ANKS1B: variants seen among roughly 807,000 people sequenced by gnomAD.
ANKS1B encodes ankyrin repeat and sterile alpha motif domain containing 1B.
ANKS1B carries 36 observed loss-of-function variants against 148.3 expected under a neutral mutation model. That is an observed-to-expected ratio of 0.24 (90% CI 0.19 to 0.32). The LOEUF (loss-of-function observed/expected upper bound fraction) is 0.32. Ranked by LOEUF, ANKS1B falls within the 10% of genes least tolerant of loss-of-function variation. The pLI, the probability that ANKS1B is intolerant of heterozygous loss-of-function variation, is 1.00. For synonymous variants in ANKS1B, 542 were observed against 560.8 expected (o/e 0.97, Z 0.47); for missense variants, 1,157 against 1,542.6 (o/e 0.75, Z 4.19).
chr12:99,285,118 C>T (rs2078960384), intron 12 of ANKS1B, among the ~76,000 whole-genome samples: 1 of 152,062 alleles, frequency 6.6e-6, no homozygotes, highest in Non-Finnish European at 1.5e-5. Context: ...CACTCATGTC[C>T]CTCATTATCT....
intron 17 of ANKS1B, among the ~76,000 whole-genome samples, chr12:99,034,699 G>A (rs2099954419): frequency 6.6e-6 from 1 of 152,162 alleles, no homozygotes; most frequent in Non-Finnish European, 1.5e-5. Context: ...GGAGCTGGAG[G>A]AGAACATGAT....
At chr12:99,670,393 T>C (rs200364918) in intron 8 of ANKS1B, among the ~76,000 whole-genome samples, 2 of 152,176 alleles carry the variant, frequency 1.3e-5, no homozygotes, top group East Asian at 1.9e-4. Context: ...CATCAGTGAA[T>C]ACACATACCT....
intron 10 of ANKS1B, among the ~76,000 whole-genome samples, chr12:99,446,364 A>C (rs1047084662): frequency 1.3e-5 from 2 of 152,152 alleles, no homozygotes; most frequent in Non-Finnish European, 2.9e-5. Flanking sequence ...GAAATATTGA[A>C]GACTGAGCAG....
Position 99,119,880 on chromosome 12 carries a change from A to T in ANKS1B, c.2526+34409T>A, listed in dbSNP as rs140172575. On this transcript the variant is annotated intron_variant, in intron 15 of 26. Coordinates refer to ENST00000683438, the MANE Select transcript of ANKS1B (RefSeq NM_001352186.2). The stretch of plus-strand genomic sequence containing the variant: ...GTCAAATCAATATAAACAAGAGTTC[A>T]GTTCCTATGGTATATTTCTGGTCAA... 3.7e-3 allele frequency among the ~76,000 whole-genome samples: 561 copies of T among 152,368 alleles called. 4 individuals are homozygous for T. Among genetic ancestry groups the T allele is most frequent in the African/African-American group, 0.013 (544 of 41,594 alleles).
intron 11 of ANKS1B, among the ~76,000 whole-genome samples, chr12:99,412,708 AAGG>A (rs146231867): frequency 0.035 from 5,358 of 152,280 alleles, 120 homozygotes; most frequent in Non-Finnish European, 0.055. Flanking sequence ...GATTGCAAGT[AAGG>A]AGGAGGAAAA....
chr12:99,079,883 G>A (rs752002995), intron 16 of ANKS1B: 2 of 152,066 alleles, frequency 1.3e-5, no homozygotes, highest in African/African-American at 2.4e-5. Flanking sequence ...GCTCTCCTGG[G>A]GGGTGACGTT....
chr12:99,914,539 A>C (rs1031197216), intron 1 of ANKS1B, among the ~76,000 whole-genome samples: 1 of 152,162 alleles, frequency 6.6e-6, no homozygotes, highest in African/African-American at 2.4e-5. Context: ...GAAAAACTCC[A>C]TGTCAGTATT....
chr12:99,815,645 C>T (rs189614041), intron 2 of ANKS1B, among the ~76,000 whole-genome samples: 5 of 151,726 alleles, frequency 3.3e-5, no homozygotes, highest in Admixed American at 2.6e-4. Context: ...CACTCCCCTC[C>T]AAACCTCCCT....
intron 4 of ANKS1B, among the ~76,000 whole-genome samples, chr12:99,796,314 C>T (rs915712655): frequency 6.6e-6 from 1 of 151,928 alleles, no homozygotes; most frequent in African/African-American, 2.4e-5. Flanking sequence ...TTGTTTATTT[C>T]TATAATTTTC....
rs1285921847 is a variant in ANKS1B at position 98,743,979 on chromosome 12, T to TACA, written c.*1757_*1759dup. 3.1e-6 allele frequency: 3 copies of TACA among 982,274 alleles called. No individual in the cohort carries two copies. The highest frequency in any genetic ancestry group is 3.6e-6 in the Non-Finnish European group (3 of 827,038). 60.8% of individuals were successfully genotyped at this position (982,274 alleles called of 1,614,324 possible). On this transcript the variant is annotated 3_prime_UTR_variant, in exon 27 of 27. Coordinates refer to ENST00000683438, the MANE Select transcript of ANKS1B (RefSeq NM_001352186.2). ...AGAACGATGCCAAGCACCACTGCTG[T>TACA]ACAACTTCTGTTTTATTTTTGTGTG...
chr12:99,922,534 C>T (rs549209542), intron 1 of ANKS1B, among the ~76,000 whole-genome samples: 1 of 152,286 alleles, frequency 6.6e-6, no homozygotes, highest in South Asian at 2.1e-4. Context: ...CCATATTCCA[C>T]TAGCATTTAC....
At chr12:99,412,823 G>C (rs1386679918) in intron 11 of ANKS1B, among the ~76,000 whole-genome samples, 2 of 152,126 alleles carry the variant, frequency 1.3e-5, no homozygotes, top group Non-Finnish European at 2.9e-5. Context: ...AGGAAGTCTG[G>C]ACAACTCGAA....
chr12:99,495,613 A>G (rs2096596818), intron 10 of ANKS1B, among the ~76,000 whole-genome samples: 2 of 152,180 alleles, frequency 1.3e-5, no homozygotes. Flanking sequence ...CTGAGCACAG[A>G]GCAAATGCCA....
chr12:98,744,798 T>TC lies in ANKS1B; in HGVS notation c.*940_*941insG, dbSNP rs1449220104. On this transcript the variant is annotated 3_prime_UTR_variant, in exon 27 of 27. Transcript: ENST00000683438. The stretch of plus-strand genomic sequence containing the variant: ...ATCTTGACAGCAGGAGCACTAGATT[T>TC]TTTTTTTTTTAACATGTTCTTTAAA... The TC allele has an allele frequency of 1.0e-6, 1 of 984,072 alleles. No homozygotes were observed. The highest frequency in any genetic ancestry group is 1.1e-4 in the East Asian group (1 of 8,824). 61.0% of individuals were successfully genotyped at this position (984,072 alleles called of 1,614,324 possible). A position where few individuals can be genotyped will look rare whatever the true frequency, so the allele number is the denominator to read the frequency against.
chr12:99,767,208 A>G (rs558972151), intron 8 of ANKS1B, among the ~76,000 whole-genome samples: 2 of 152,244 alleles, frequency 1.3e-5, no homozygotes, highest in South Asian at 4.1e-4. Flanking sequence ...ATTGGAAAAG[A>G]AAGTAAAATA....
At chr12:98,741,403 CTG>C (rs1168501053), downstream of ANKS1B, among the ~76,000 whole-genome samples, 1 of 152,240 alleles carries the variant, frequency 6.6e-6, no homozygotes, top group African/African-American at 2.4e-5. Context: ...CAGATGAGTT[CTG>C]TGTGGCTCAC....
Position 99,984,121 on chromosome 12 carries a change from G to C in ANKS1B, c.117C>G (p.Pro39=). 6.2e-7 allele frequency: 1 copy of C among 1,613,400 alleles called. No individual in the cohort carries two copies. Among genetic ancestry groups the C allele is most frequent in the Non-Finnish European group, 8.5e-7 (1 of 1,179,574 alleles). ...GILGGGSGPL[P]LSNLLSIWRG... The stretch of plus-strand genomic sequence containing the variant: ...GTCCTTACCTTAGCAGATTAGACAG[G>C]GGCAGGGGTCCGGATCCACCGCCCA... The change falls in exon 1 of 27, where the codon CCC becomes CCG. Residue 39 remains proline (P), a synonymous_variant. Coordinates refer to ENST00000683438, the MANE Select transcript of ANKS1B (RefSeq NM_001352186.2).
downstream of ANKS1B, among the ~76,000 whole-genome samples, chr12:98,742,674 CA>C (rs2097809699): frequency 6.6e-6 from 1 of 152,230 alleles, no homozygotes; most frequent in Admixed American, 6.5e-5. Context: ...AACAGAGTCA[CA>C]ATATGCAGCA....
chr12:99,304,393 T>C (rs968360604), intron 12 of ANKS1B, among the ~76,000 whole-genome samples: 2 of 152,288 alleles, frequency 1.3e-5, no homozygotes, highest in South Asian at 4.1e-4. Context: ...GTTCTCGTTC[T>C]CTAGTCTATT....
Sources: allele counts gnomAD v4.1 joint callset (sites outside exome capture counted in the v4.1 genomes callset), GRCh38; gene constraint gnomAD v4.1.1; transcripts MANE v1.5; gene names NCBI Gene and HGNC (gene_info 2026-07-23, HGNC 2026-07-21).